The following SMG6 variants were observed in gnomAD, a reference collection of about 807,000 sequenced individuals.
The protein encoded by SMG6 is telomerase-binding protein EST1A.
Under a neutral mutation model 142.2 loss-of-function variants are expected in SMG6, and 66 were observed. That is an observed-to-expected ratio of 0.46 (90% CI 0.38 to 0.57). SMG6 has a LOEUF of 0.57. Among genes scored for constraint, SMG6 ranks in the 20% least tolerant of loss-of-function variants. The pLI, the probability that SMG6 is intolerant of heterozygous loss-of-function variation, is 0.00. For missense variants in SMG6, 1,793 were observed against 1,832.0 expected (o/e 0.98, Z 0.39); for synonymous variants, 779 against 702.4 (o/e 1.11, Z -1.72).
intron 13 of SMG6, among the ~76,000 whole-genome samples, chr17:2,135,344 C>A (rs1176008822): frequency 6.6e-6 from 1 of 152,120 alleles, no homozygotes; most frequent in Non-Finnish European, 1.5e-5. Context: ...AAAATCTATT[C>A]TTTAAGCTAT....
intron 8 of SMG6, among the ~76,000 whole-genome samples, chr17:2,261,389 T>C (rs753689137): frequency 1.3e-5 from 2 of 152,216 alleles, no homozygotes; most frequent in Non-Finnish European, 2.9e-5. Flanking sequence ...TATGCTTACA[T>C]TGTCACAATT....
rs1472051039 is a variant in SMG6 at position 2,085,982 on chromosome 17, G to A, written c.3358-81C>T. The A allele has an allele frequency of 8.5e-6, 12 of 1,419,510 alleles. No individual in the cohort carries two copies. The highest frequency in any genetic ancestry group is 5.7e-5 in the African/African-American group (4 of 70,604). The allele number at this position is 1,419,510 out of a possible 1,614,324, so 87.9% of individuals were successfully genotyped here. On this transcript the variant is annotated intron_variant, in intron 13 of 18. Transcript: ENST00000263073. The surrounding 1 kb of genome is among the most constrained non-coding windows in gnomAD (Gnocchi z 4.1). The stretch of plus-strand genomic sequence containing the variant: ...ACGAGATGTTGCTTGCCGGCTGAGG[G>A]GCACAGGGGAACTGTGTCAAAGCTA...
intron 13 of SMG6, among the ~76,000 whole-genome samples, chr17:2,123,749 A>T (rs1297855795): frequency 2.0e-5 from 3 of 152,168 alleles, no homozygotes. Context: ...CAGGGTGTGG[A>T]TCTTGGATGG....
chr17:2,144,999 G>T (rs543093239), intron 13 of SMG6, among the ~76,000 whole-genome samples: 1 of 152,134 alleles, frequency 6.6e-6, no homozygotes, highest in Non-Finnish European at 1.5e-5. Context: ...TTTGGCACTC[G>T]CTTACTTTTC....
chr17:2,169,415 A>G (rs1360644907), intron 13 of SMG6, among the ~76,000 whole-genome samples: 1 of 152,198 alleles, frequency 6.6e-6, no homozygotes, highest in Non-Finnish European at 1.5e-5. Context: ...GATACATGAT[A>G]GATACTCAGG....
At chr17:2,126,349 G>C (rs879798037) in intron 13 of SMG6, among the ~76,000 whole-genome samples, 5 of 152,142 alleles carry the variant, frequency 3.3e-5, no homozygotes, top group African/African-American at 7.2e-5. Flanking sequence ...ACTCTTAGAA[G>C]AAAGCATAAG....
Position 2,267,914 on chromosome 17 carries a change from A to G in SMG6, c.2661+14733T>C, listed in dbSNP as rs572864901. On this transcript the variant is annotated intron_variant, in intron 8 of 18. Coordinates refer to ENST00000263073, the MANE Select transcript of SMG6 (RefSeq NM_017575.5). ...AGGCGCCTGCCACCACACCCGGCTA[A>G]TTTTTTGTATTTTTAGTAGAGACGG... is the stretch of plus-strand genomic sequence containing the variant. Among the ~76,000 whole-genome samples, 7 of 151,478 alleles carry G rather than the reference A, an allele frequency of 4.6e-5. No homozygotes were observed. In the East Asian group the frequency reaches 1.4e-3, roughly 29 times the overall value.
intron 10 of SMG6, among the ~76,000 whole-genome samples, chr17:2,229,956 T>C (rs9914266): frequency 0.38 from 57,640 of 151,270 alleles, 11,233 homozygotes; most frequent in Middle Eastern, 0.44. Flanking sequence ...GAGGCTGAGG[T>C]GGGCGGATCA....
intron 1 of SMG6, 158 bp downstream of exon 1, chr17:2,303,475 G>A: frequency 5.3e-6 from 7 of 1,322,770 alleles, no homozygotes; most frequent in African/African-American, 3.1e-5. Flanking sequence ...ACCCGCGAGA[G>A]AGGTAGGGCA....
At chr17:2,211,665 T>TCA (rs2072867693) in intron 10 of SMG6, among the ~76,000 whole-genome samples, 1 of 46,022 alleles carries the variant, frequency 2.2e-5, no homozygotes, top group Non-Finnish European at 4.4e-5. Context: ...CTCCATCTAA[T>TCA]TAAAAAAAAA....
chr17:2,145,642 C>CAAAAA, intron 13 of SMG6, among the ~76,000 whole-genome samples: 2 of 34,040 alleles, frequency 5.9e-5, no homozygotes, highest in South Asian at 1.0e-3. Flanking sequence ...CTCCATCTCC[C>CAAAAA]CAAAAAAAAA....
intron 10 of SMG6, among the ~76,000 whole-genome samples, chr17:2,189,047 C>G (rs961816076): frequency 6.6e-6 from 1 of 152,204 alleles, no homozygotes; most frequent in Non-Finnish European, 1.5e-5. Flanking sequence ...TGTCCCTCCT[C>G]CTAAGAAAAC....
chr17:2,130,999 G>A (rs1219914437), intron 13 of SMG6, among the ~76,000 whole-genome samples: 3 of 152,020 alleles, frequency 2.0e-5, no homozygotes, highest in African/African-American at 4.8e-5. Flanking sequence ...GCAAGACTCC[G>A]TCTTTAAAAA....
intron 8 of SMG6, among the ~76,000 whole-genome samples, chr17:2,247,968 T>TG (rs2073960822): frequency 2.0e-5 from 3 of 151,228 alleles, no homozygotes; most frequent in Admixed American, 2.0e-4. Flanking sequence ...CAGCCAGGCG[T>TG]GGTGGCACGC....
At chr17:2,081,977 C>A (rs146344135) in intron 14 of SMG6, 21 bp from the exon 15 acceptor site, 1 of 1,613,868 alleles carries the variant, frequency 6.2e-7, no homozygotes, top group Non-Finnish European at 8.5e-7. Flanking sequence ...TGGAGCCGAC[C>A]AGGACAAAGA....
intron 13 of SMG6, among the ~76,000 whole-genome samples, chr17:2,113,089 G>C (rs1192825626): frequency 6.7e-6 from 1 of 149,288 alleles, no homozygotes; most frequent in Non-Finnish European, 1.5e-5. Context: ...ACAGAGTCTT[G>C]CTCTGTCACC....
chr17:2,267,742 T>TTTA (rs2074453210), intron 8 of SMG6, among the ~76,000 whole-genome samples: 1 of 132,730 alleles, frequency 7.5e-6, no homozygotes, highest in African/African-American at 2.6e-5. Flanking sequence ...TTTAATTATT[T>TTTA]TTATTATTAT....
intron 15 of SMG6, among the ~76,000 whole-genome samples, chr17:2,075,763 G>A (rs1220652444): frequency 6.6e-6 from 1 of 152,220 alleles, no homozygotes; most frequent in Admixed American, 6.5e-5. Context: ...CCCACAGGAG[G>A]AGCTGTCTCA....
intron 13 of SMG6, among the ~76,000 whole-genome samples, chr17:2,129,991 G>A (rs1181036156): frequency 3.3e-5 from 5 of 151,384 alleles, no homozygotes; most frequent in Non-Finnish European, 4.4e-5. Flanking sequence ...GGGGCGAGGT[G>A]GCTCACATCT....
Sources: gnomAD v4.1 joint callset for allele counts (sites outside exome capture counted in the v4.1 genomes callset) on GRCh38, gnomAD v4.1.1 for gene constraint, Gnocchi (gnomAD v3.1) non-coding constraint, MANE v1.5 for transcripts, NCBI Gene and HGNC (gene_info 2026-07-23, HGNC 2026-07-21) for gene names.